Variants in ITGA9 observed in about 807,000 individuals in gnomAD.
The protein encoded by ITGA9 is integrin subunit alpha 9, also known as integrin alpha-9.
ITGA9 carries 56 observed loss-of-function variants against 127.8 expected under a neutral mutation model. That is an observed-to-expected ratio of 0.44 (90% CI 0.35 to 0.55). The LOEUF (loss-of-function observed/expected upper bound fraction) is 0.55, where lower values mean the gene tolerates loss of function less well. Among genes scored for constraint, ITGA9 ranks in the 20% least tolerant of loss-of-function variants. The probability of loss-of-function intolerance (pLI) is 0.00; values close to 1 mark genes in which losing one functional copy is unlikely to be tolerated. For missense variants in ITGA9, 1,196 were observed against 1,347.1 expected, an observed-to-expected ratio of 0.89 and a Z score of 1.76; for synonymous variants, 508 against 514.5, an observed-to-expected ratio of 0.99 and a Z score of 0.17.
In ITGA9 at chr3:37,452,541, T is replaced by G. The variant is rs1352662171; in HGVS notation, c.167T>G (p.Phe56Cys). The G allele has an allele frequency of 2.6e-6, 4 of 1,525,528 alleles. No individual in the cohort carries two copies. The highest frequency in any genetic ancestry group is 3.5e-6 in the Non-Finnish European group (4 of 1,136,438). The allele number at this position is 1,525,528 out of a possible 1,614,324, so 94.5% of individuals were successfully genotyped here. ...TTCGGCTACGCAGTTCTGGAGCATT[T>G]CCACGACAACACGCGCTGGTGAGTG... ...SFFGYAVLEH[F>C]HDNTRWVLVG... Residue 56 changes from phenylalanine (F) to cysteine (C), a missense_variant, in exon 1 of 28, where the codon TTC becomes TGC. Transcript: ENST00000264741. The surrounding 1 kb of genome is among the most constrained non-coding windows in gnomAD (Gnocchi z 7.3).
chr3:37,817,710 T>C (rs1697453007), intron 27 of ITGA9, among the ~76,000 whole-genome samples: 1 of 152,124 alleles, frequency 6.6e-6, no homozygotes, highest in Admixed American at 6.5e-5. Context: ...TCTCAGAGCA[T>C]GGGAGGAAAG....
rs748381488 is a variant in ITGA9 at position 37,818,191 on chromosome 3, T to TAAAAAAAA, written c.3010-681_3010-674dup. On this transcript the variant is annotated intron_variant, in intron 27 of 27. Coordinates refer to ENST00000264741, the MANE Select transcript of ITGA9 (RefSeq NM_002207.3). Reference sequence around the variant, plus strand: ...CTTTCCACTGTACATTAAGACTCTCTAAAAAAAAAAAAAAAAAAAAAAAAA... The same window carrying TAAAAAAAA: ...CTTTCCACTGTACATTAAGACTCTCTAAAAAAAAAAAAAAAAAAAAAAAAAAAAAAAAA... 64 of 31,970 alleles carry TAAAAAAAA rather than the reference T, an allele frequency of 2.0e-3. 2 individuals carry two copies. The highest frequency in any genetic ancestry group is 6.0e-3 in the African/African-American group (64 of 10,666). 2.0% of individuals were successfully genotyped at this position (31,970 alleles called of 1,614,324 possible).
At chr3:37,512,096 C>T (rs1698925487) in intron 8 of ITGA9, among the ~76,000 whole-genome samples, 1 of 107,074 alleles carries the variant, frequency 9.3e-6, no homozygotes, top group East Asian at 2.8e-4. Flanking sequence ...TTCCTTCCTT[C>T]CTTCCTTCCT....
chr3:37,490,973 C>A (rs1006871093), intron 4 of ITGA9, among the ~76,000 whole-genome samples: 9 of 133,200 alleles, frequency 6.8e-5, no homozygotes, highest in Non-Finnish European at 1.3e-4. Flanking sequence ...GCTTCCCCCC[C>A]GCTTTTTTTT....
intron 15 of ITGA9, among the ~76,000 whole-genome samples, chr3:37,570,170 A>G (rs1034369566): frequency 6.6e-6 from 1 of 152,222 alleles, no homozygotes; most frequent in Admixed American, 6.5e-5. Context: ...GCCTTGGCTG[A>G]CTTCTCATGG....
At chr3:37,731,989 T>C (rs1165190968) in intron 18 of ITGA9, among the ~76,000 whole-genome samples, 1 of 152,232 alleles carries the variant, frequency 6.6e-6, no homozygotes, top group Non-Finnish European at 1.5e-5. Flanking sequence ...GTAAACATAC[T>C]GTTTCCGCTT....
At chr3:37,638,216 C>G (rs998210613) in intron 16 of ITGA9, among the ~76,000 whole-genome samples, 3 of 151,956 alleles carry the variant, frequency 2.0e-5, no homozygotes, top group African/African-American at 7.3e-5. Flanking sequence ...AAATAATCAT[C>G]AAAAGAAACA....
intron 27 of ITGA9, among the ~76,000 whole-genome samples, chr3:37,817,012 T>A (rs1171148220): frequency 1.3e-5 from 2 of 152,162 alleles, no homozygotes; most frequent in Non-Finnish European, 2.9e-5. Flanking sequence ...TAAACCCCCT[T>A]TAGGGAAGTA....
intron 15 of ITGA9, among the ~76,000 whole-genome samples, chr3:37,593,239 C>G (rs1399757413): frequency 6.6e-6 from 1 of 152,198 alleles, no homozygotes; most frequent in East Asian, 1.9e-4. Context: ...CTCTAGATTA[C>G]TTGTAATACC....
chr3:37,513,511 G>A (rs564331712), intron 8 of ITGA9, among the ~76,000 whole-genome samples: 1 of 152,062 alleles, frequency 6.6e-6, no homozygotes, highest in Non-Finnish European at 1.5e-5. Flanking sequence ...ATGTATACAT[G>A]TGCCATATTG....
chr3:37,616,513 A>T (rs1575168423), intron 15 of ITGA9, among the ~76,000 whole-genome samples: 1 of 152,194 alleles, frequency 6.6e-6, no homozygotes, highest in Non-Finnish European at 1.5e-5. Context: ...CAATTCCTGG[A>T]TATCTTTGTT....
At chr3:37,527,164 G>A (rs184086147) in intron 13 of ITGA9, among the ~76,000 whole-genome samples, 1 of 152,094 alleles carries the variant, frequency 6.6e-6, no homozygotes, top group Admixed American at 6.5e-5. Flanking sequence ...CTTAGGATGG[G>A]GTTATTTCCA....
chr3:37,696,413 A>G (rs372742926), intron 18 of ITGA9, among the ~76,000 whole-genome samples: 2 of 152,128 alleles, frequency 1.3e-5, no homozygotes, highest in Non-Finnish European at 2.9e-5. Flanking sequence ...ATCTTCACTG[A>G]CGTGTATTTC....
intron 19 of ITGA9, among the ~76,000 whole-genome samples, chr3:37,736,158 G>A (rs58918192): frequency 0.02 from 3,095 of 152,180 alleles, 110 homozygotes; most frequent in African/African-American, 0.07. Flanking sequence ...CTAAACCTAA[G>A]TACCTTCCAA....
At chr3:37,541,951 A>T (rs1182238157) in intron 14 of ITGA9, among the ~76,000 whole-genome samples, 2 of 152,164 alleles carry the variant, frequency 1.3e-5, no homozygotes, top group African/African-American at 4.8e-5. Context: ...GATGAGTTAA[A>T]ATTATCAGAC....
chr3:37,685,737 G>A (rs1575192198), intron 18 of ITGA9, among the ~76,000 whole-genome samples: 1 of 152,304 alleles, frequency 6.6e-6, no homozygotes, highest in South Asian at 2.1e-4. Flanking sequence ...TCCAGACTTA[G>A]AAATAGCTGT....
intron 15 of ITGA9, among the ~76,000 whole-genome samples, chr3:37,611,423 C>T (rs1438719000): frequency 6.6e-6 from 1 of 152,076 alleles, no homozygotes; most frequent in Non-Finnish European, 1.5e-5. Context: ...CCCTTGGATC[C>T]AATATGGTGG....
rs1698421299 is a variant in ITGA9 at position 37,470,706 on chromosome 3, G to A, written c.186-301G>A. On this transcript the variant is annotated intron_variant, in intron 1 of 27. Transcript: ENST00000264741. ...TTTTTGTGAAGATGGGATTTGCCAT[G>A]TCACCCAGGCTGGCCTGGAATTCCT... Among the ~76,000 whole-genome samples the A allele has an allele frequency of 2.0e-5, 3 of 152,126 alleles. No homozygotes were observed. In the South Asian group the frequency reaches 6.2e-4, roughly 32 times the overall value.
chr3:37,510,364 G>T (rs993543405), intron 8 of ITGA9, among the ~76,000 whole-genome samples: 3 of 151,990 alleles, frequency 2.0e-5, no homozygotes, highest in African/African-American at 7.3e-5. Context: ...TTGTAGCTGT[G>T]CCCCCCCAAA....
Sources: gnomAD v4.1 joint callset for allele counts (sites outside exome capture counted in the v4.1 genomes callset) on GRCh38, gnomAD v4.1.1 for gene constraint, Gnocchi (gnomAD v3.1) non-coding constraint, MANE v1.5 for transcripts, NCBI Gene and HGNC (gene_info 2026-07-23, HGNC 2026-07-21) for gene names.